MARK2: variants seen among roughly 807,000 people sequenced by gnomAD.
MARK2 encodes the protein serine/threonine-protein kinase MARK2.
MARK2 carries 16 observed loss-of-function variants against 89.8 expected under a neutral mutation model. The observed-to-expected ratio is 0.18, with a 90% confidence interval of 0.12 to 0.27. The LOEUF (loss-of-function observed/expected upper bound fraction) is 0.27, where lower values mean the gene tolerates loss of function less well. MARK2 is among the 10% of genes least tolerant of loss of function. The probability of loss-of-function intolerance (pLI) is 1.00; values close to 1 mark genes in which losing one functional copy is unlikely to be tolerated. For synonymous variants in MARK2, 382 were observed against 399.5 expected (o/e 0.96, Z 0.52); for missense variants, 621 against 1,049.9 (o/e 0.59, Z 5.65).
intron 16 of MARK2, 101 bp downstream of exon 16, chr11:63,905,144 A>G: frequency 7.4e-7 from 1 of 1,345,410 alleles, no homozygotes; most frequent in Admixed American, 1.9e-5. Context: ...GACACTCTGT[A>G]CCGGTATTGG....
intron 4 of MARK2, 84 bp downstream of exon 4, chr11:63,898,364 T>C: frequency 8.6e-7 from 1 of 1,164,504 alleles, no homozygotes; most frequent in Non-Finnish European, 1.3e-6. Flanking sequence ...CGAGGTGCAC[T>C]GCCTTCTGGA....
intron 1 of MARK2, among the ~76,000 whole-genome samples, chr11:63,874,916 G>A (rs1474279808): frequency 6.6e-6 from 1 of 152,096 alleles, no homozygotes; most frequent in African/African-American, 2.4e-5. Flanking sequence ...TGTTCCCATG[G>A]GGTAGGGCTT....
chr11:63,898,708 C>A, intron 5 of MARK2, 35 bp downstream of exon 5: 1 of 1,611,064 alleles, frequency 6.2e-7, no homozygotes, highest in African/African-American at 1.3e-5. Context: ...GTTGTGCCCC[C>A]ACTTCTTCCA....
At chr11:63,868,666 G>C in intron 1 of MARK2, 2 of 416,570 alleles carry the variant, frequency 4.8e-6, no homozygotes, top group African/African-American at 2.0e-5. Flanking sequence ...TCCTGGCTTT[G>C]CTGAGTTCTG....
chr11:63,895,658 C>T (rs1244910990), intron 3 of MARK2, 25 bp downstream of exon 3: 34 of 1,163,226 alleles, frequency 2.9e-5, no homozygotes, highest in African/African-American at 7.9e-5. Flanking sequence ...CCTCCTGTCC[C>T]TTTTTTTTTT....
chr11:63,856,768 G>GTTTTT lies in MARK2; in HGVS notation c.54+17241_54+17245dup. ...TTTTTTCCATTTTTAAATTTTTCAT[G>GTTTTT]TTTTTTTTTTTTTTTTTTTTTTTTT... is the stretch of plus-strand genomic sequence containing the variant. On this transcript the variant is annotated intron_variant, in intron 1 of 18. Coordinates refer to ENST00000402010, the MANE Select transcript of MARK2 (RefSeq NM_001039469.3). 3.7e-5 allele frequency among the ~76,000 whole-genome samples: 2 copies of GTTTTT among 53,808 alleles called. 1 individual carries two copies. Among genetic ancestry groups the GTTTTT allele is most frequent in the Non-Finnish European group, 6.5e-5 (2 of 30,960 alleles). 35.3% of individuals were successfully genotyped at this position (53,808 alleles called of 152,430 possible). A position where few individuals can be genotyped will look rare whatever the true frequency, so the allele number is the denominator to read the frequency against.
At chr11:63,846,680 T>G (rs1387755079) in intron 1 of MARK2, among the ~76,000 whole-genome samples, 3 of 133,468 alleles carry the variant, frequency 2.2e-5, no homozygotes, top group South Asian at 2.5e-4. Flanking sequence ...TTTTGAGACG[T>G]TGTCTTGCCC....
chr11:63,859,535 G>A (rs923019408), intron 1 of MARK2, among the ~76,000 whole-genome samples: 2 of 152,028 alleles, frequency 1.3e-5, no homozygotes, highest in Non-Finnish European at 2.9e-5. Context: ...TGGCCAGGCT[G>A]GTCTTGAATT....
At chr11:63,875,772 G>A (rs956917442) in intron 1 of MARK2, among the ~76,000 whole-genome samples, 1 of 152,218 alleles carries the variant, frequency 6.6e-6, no homozygotes, top group Admixed American at 6.5e-5. Context: ...GGCGATGGGG[G>A]CCTGGCCGCC....
chr11:63,902,189 T>C lies in MARK2; in HGVS notation c.1102-9T>C, dbSNP rs766606400. 1 of 1,613,832 alleles carries C rather than the reference T, an allele frequency of 6.2e-7. No homozygotes were observed. Among genetic ancestry groups the C allele is most frequent in the Non-Finnish European group, 8.5e-7 (1 of 1,179,800 alleles). Reference sequence around the variant, plus strand: ...GCCCTCCCTTGAAGCTGTTTTCTGTTTCTTTCAGCTGGAAGGCGACACCAT... The same window carrying C: ...GCCCTCCCTTGAAGCTGTTTTCTGTCTCTTTCAGCTGGAAGGCGACACCAT... On this transcript the variant is annotated splice_polypyrimidine_tract_variant and intron_variant, in intron 11 of 18. Coordinates refer to ENST00000402010, the MANE Select transcript of MARK2 (RefSeq NM_001039469.3). This position sits in a 1 kb window ranked among gnomAD's most constrained non-coding sequence, Gnocchi z 4.2.
rs1332296331 is a variant in MARK2, at chr11:63,903,784, C to G, written c.1515-202C>G. 6.6e-6 allele frequency among the ~76,000 whole-genome samples: 1 copy of G among 152,104 alleles called. No individual in the cohort carries two copies. Among genetic ancestry groups the G allele is most frequent in the South Asian group, 2.1e-4 (1 of 4,826 alleles). On this transcript the variant is annotated intron_variant, in intron 14 of 18. Coordinates refer to ENST00000402010, the MANE Select transcript of MARK2 (RefSeq NM_001039469.3). This position sits in a 1 kb window ranked among gnomAD's most constrained non-coding sequence, Gnocchi z 5.1. Reference sequence around the variant, plus strand: ...CCTCTTCCCAGGCACTGACCCACCTCGCTGCTTCCCGACCTCACTCACCTC... The same window carrying G: ...CCTCTTCCCAGGCACTGACCCACCTGGCTGCTTCCCGACCTCACTCACCTC...
In MARK2 at chr11:63,890,285, G is replaced by C. The variant is rs916615394; in HGVS notation, c.55-4874G>C. 19 of 1,344,504 alleles carry C rather than the reference G, an allele frequency of 1.4e-5. No individual in the cohort carries two copies. In the Admixed American group the frequency reaches 3.7e-4, roughly 26 times the overall value. 83.3% of individuals were successfully genotyped at this position (1,344,504 alleles called of 1,614,324 possible). A position where few individuals can be genotyped will look rare whatever the true frequency, so the allele number is the denominator to read the frequency against. Reference sequence around the variant, plus strand: ...GGAAACATCTTACAGCATAGAAGAAGGGGTGCAGGGGTAAGTAAGGGAAGG... The same window carrying C: ...GGAAACATCTTACAGCATAGAAGAACGGGTGCAGGGGTAAGTAAGGGAAGG... On this transcript the variant is annotated intron_variant, in intron 1 of 18. Transcript: ENST00000402010.
chr11:63,905,028 C>G lies in MARK2; in HGVS notation c.1919C>G (p.Ser640Cys), dbSNP rs1205349253. ...ASGSIFSKFT[S>C]KFVRRNLSFR... is the part of the protein sequence containing the mutation. ...GGGAGCATCTTCAGCAAGTTCACCT[C>G]CAAGTTTGTACGCAGGTAAGCAAGG... Residue 640 changes from serine (S) to cysteine (C), a missense_variant, in exon 16 of 19, where the codon TCC (serine) becomes TGC (cysteine). This residue lies in a region of MARK2 where 397 missense variants were observed against 567.8 expected (regional missense o/e 0.70). Transcript: ENST00000402010. 3 of 1,613,862 alleles carry G rather than the reference C, an allele frequency of 1.9e-6. No homozygotes were observed. The highest frequency in any genetic ancestry group is 1.7e-5 in the Admixed American group (1 of 60,024).
In MARK2 at chr11:63,895,567, G is replaced by A; in HGVS notation, c.235-13G>A. 2.5e-6 allele frequency: 4 copies of A among 1,611,122 alleles called. No individual in the cohort carries two copies. Among genetic ancestry groups the A allele is most frequent in the Non-Finnish European group, 3.4e-6 (4 of 1,178,564 alleles). On this transcript the variant is annotated splice_polypyrimidine_tract_variant and intron_variant, in intron 2 of 18. Coordinates refer to ENST00000402010, the MANE Select transcript of MARK2 (RefSeq NM_001039469.3). ...CAGAGAAGTGATTTGGGGCCTTTTT[G>A]TCTCATCCTCAGGTAGCTGTGAAGA...
At chr11:63,889,046 T>G in intron 1 of MARK2, 1 of 1,112,646 alleles carries the variant, frequency 9.0e-7, no homozygotes. Context: ...TTTAGAGAGT[T>G]GCTAAGGGGC....
In MARK2 at chr11:63,852,944, A is replaced by G. The variant is rs1310368076; in HGVS notation, c.54+13384A>G. 7.2e-5 allele frequency among the ~76,000 whole-genome samples: 11 copies of G among 152,346 alleles called. No homozygotes were observed. The East Asian group carries it at 1.5e-3, about 21-fold the overall frequency. ...AAATAAAAAAGTCACTGAAGCCTCT[A>G]TCTAACAGGATAAGTTGCCACATTG... On this transcript the variant is annotated intron_variant, in intron 1 of 18. Coordinates refer to ENST00000402010, the MANE Select transcript of MARK2 (RefSeq NM_001039469.3).
chr11:63,852,885 T>C (rs2016643547), intron 1 of MARK2, among the ~76,000 whole-genome samples: 1 of 152,190 alleles, frequency 6.6e-6, no homozygotes, highest in South Asian at 2.1e-4. Context: ...ATGAGCTCTT[T>C]AAAAGCCAAA....
intron 1 of MARK2, among the ~76,000 whole-genome samples, chr11:63,885,309 T>G (rs2135299127): frequency 6.7e-6 from 1 of 150,058 alleles, no homozygotes; most frequent in South Asian, 2.1e-4. Context: ...GAGGCCAAGG[T>G]GGGCAGTTCA....
intron 1 of MARK2, among the ~76,000 whole-genome samples, chr11:63,876,516 C>A (rs1938764783): frequency 2.0e-5 from 3 of 152,200 alleles, no homozygotes; most frequent in Admixed American, 2.0e-4. Context: ...GTTCTTTGTC[C>A]TTGGTAGTTA....
Sources: gnomAD v4.1 joint callset for allele counts (sites outside exome capture counted in the v4.1 genomes callset) on GRCh38, gnomAD v4.1.1 for gene constraint, gnomAD v4.1.1 regional missense constraint, Gnocchi (gnomAD v3.1) non-coding constraint, MANE v1.5 for transcripts, NCBI Gene and HGNC (gene_info 2026-07-23, HGNC 2026-07-21) for gene names.